MEIS1: variants seen among roughly 807,000 people sequenced by gnomAD.
MEIS1 encodes the protein homeobox protein Meis1.
MEIS1 carries 5 observed loss-of-function variants against 50.8 expected under a neutral mutation model. The ratio of observed to expected loss-of-function variants is 0.10; its 90% CI spans 0.05 to 0.21. The LOEUF (loss-of-function observed/expected upper bound fraction) is 0.21, where lower values mean the gene tolerates loss of function less well. MEIS1 is among the 10% of genes least tolerant of loss of function. The pLI, the probability that MEIS1 is intolerant of heterozygous loss-of-function variation, is 1.00. For missense variants in MEIS1, 318 were observed against 517.3 expected, an observed-to-expected ratio of 0.61 and a Z score of 3.74; for synonymous variants, 176 against 179.3, an observed-to-expected ratio of 0.98 and a Z score of 0.15.
In MEIS1 at chr2:66,560,020, C is replaced by T. The variant is rs559193919; in HGVS notation, c.966-7433C>T. On this transcript the variant is annotated intron_variant, in intron 9 of 12. Coordinates refer to ENST00000272369, the MANE Select transcript of MEIS1 (RefSeq NM_002398.3). ...CCATGTTGCCCATGGTGATCTTATA[C>T]TCCAGGCTCAAATGATCCTCCTGCC... 4.6e-5 allele frequency among the ~76,000 whole-genome samples: 7 copies of T among 151,220 alleles called. No homozygotes were observed. The South Asian group carries it at 6.3e-4, about 14-fold the overall frequency.
Position 66,557,194 on chromosome 2 carries a change from G to T in MEIS1, c.965+9175G>T, listed in dbSNP as rs569948775. On this transcript the variant is annotated intron_variant, in intron 9 of 12. Transcript: ENST00000272369. ...CATCATACGACAGATGAGGCTCAGG[G>T]CTAATTAGAGGCAGGGCTAGGACTG... Among the ~76,000 whole-genome samples, 28 of 152,198 alleles carry T rather than the reference G, an allele frequency of 1.8e-4. 1 individual carries two copies. The South Asian group carries it at 3.3e-3, about 18-fold the overall frequency.
At chr2:66,561,814 C>G (rs576161801) in intron 9 of MEIS1, among the ~76,000 whole-genome samples, 13 of 152,106 alleles carry the variant, frequency 8.5e-5, no homozygotes, top group Non-Finnish European at 7.4e-5. Context: ...AGTTCACTTA[C>G]GCCTAGTTGG....
At chr2:66,473,891 A>T (rs1490709751) in intron 7 of MEIS1, among the ~76,000 whole-genome samples, 1 of 152,184 alleles carries the variant, frequency 6.6e-6, no homozygotes. Context: ...AAATCTTCAG[A>T]TGCTCAATTC....
chr2:66,437,315 A>G (rs1671821003), intron 1 of MEIS1: 1 of 159,670 alleles, frequency 6.3e-6, no homozygotes, highest in Admixed American at 6.4e-5. Context: ...CCCTGATGTG[A>G]AGGGGCTGTG....
At chr2:66,530,755 C>A (rs760084655) in intron 8 of MEIS1, among the ~76,000 whole-genome samples, 4 of 152,296 alleles carry the variant, frequency 2.6e-5, no homozygotes, top group Middle Eastern at 6.8e-3. Flanking sequence ...ATTCATTGAG[C>A]CCCAGTCTGA....
Position 66,473,397 on chromosome 2 carries a change from A to AAAAAAAAAAATATATAT in MEIS1, c.742+9178_742+9179insAAAAAAAAATATATATA. Among the ~76,000 whole-genome samples the AAAAAAAAAAATATATAT allele has an allele frequency of 5.6e-5, 6 of 107,594 alleles. No individual in the cohort carries two copies. In the East Asian group the frequency reaches 7.0e-4, roughly 12 times the overall value. The allele number at this position is 107,594 out of a possible 152,430, so 70.6% of individuals were successfully genotyped here. ...CCATGTCAAAAAAAAAAAAAAAAAA[A>AAAAAAAAAAATATATAT]ATATATATATATATATATATAGTAA... On this transcript the variant is annotated intron_variant, in intron 7 of 12. Transcript: ENST00000272369.
intron 8 of MEIS1, among the ~76,000 whole-genome samples, chr2:66,543,110 T>A (rs1674696036): frequency 6.6e-6 from 1 of 152,218 alleles, no homozygotes; most frequent in African/African-American, 2.4e-5. Flanking sequence ...CATAACTTTC[T>A]TGAGTAAGTC....
chr2:66,530,961 C>T (rs1157700843), intron 8 of MEIS1, among the ~76,000 whole-genome samples: 1 of 152,210 alleles, frequency 6.6e-6, no homozygotes, highest in Non-Finnish European at 1.5e-5. Context: ...ATGCAGCTGT[C>T]TGCTAAGATA....
At chr2:66,438,014 T>C (rs2280334) in intron 2 of MEIS1, 51 bp downstream of exon 2, 945,198 of 1,451,732 alleles carry the variant, frequency 0.65, 312,613 homozygotes, top group South Asian at 0.73. Context: ...CGCTTCCCTC[T>C]TTCTCTGTGC....
intron 12 of MEIS1, chr2:66,571,008 C>T: frequency 2.1e-6 from 1 of 470,136 alleles, no homozygotes; most frequent in South Asian, 2.9e-5. Flanking sequence ...ATAAATAAGA[C>T]CTCAGTAGGC....
intron 8 of MEIS1, among the ~76,000 whole-genome samples, chr2:66,530,452 C>T (rs371414808): frequency 4.6e-5 from 7 of 151,672 alleles, no homozygotes; most frequent in African/African-American, 1.7e-4. Context: ...CGGTGGCTCA[C>T]GCCTGTAATC....
intron 8 of MEIS1, among the ~76,000 whole-genome samples, chr2:66,527,082 A>G (rs763757915): frequency 2.0e-5 from 3 of 152,222 alleles, no homozygotes; most frequent in Non-Finnish European, 4.4e-5. Flanking sequence ...CCAAATATAC[A>G]TGCATGAAAT....
At chr2:66,512,315 A>G (rs1366579284) in intron 8 of MEIS1, 21 bp downstream of exon 8, 6 of 1,602,754 alleles carry the variant, frequency 3.7e-6, no homozygotes, top group South Asian at 1.1e-5. Context: ...TCTAAATGAC[A>G]TATATAAACT....
chr2:66,497,627 G>T (rs1356183351), intron 7 of MEIS1, among the ~76,000 whole-genome samples: 1 of 152,142 alleles, frequency 6.6e-6, no homozygotes, highest in Non-Finnish European at 1.5e-5. Context: ...TGGCATGGTG[G>T]CTCATGCCTG....
At chr2:66,527,641 T>TGTGTGTGTG (rs1674288007) in intron 8 of MEIS1, among the ~76,000 whole-genome samples, 2 of 87,156 alleles carry the variant, frequency 2.3e-5, no homozygotes, top group African/African-American at 8.5e-5. Flanking sequence ...TGTGTGTGTG[T>TGTGTGTGTG]TGGGGGGGAG....
intron 7 of MEIS1, among the ~76,000 whole-genome samples, chr2:66,511,831 AC>A (rs1673837491): frequency 7.3e-6 from 1 of 137,790 alleles, no homozygotes; most frequent in Non-Finnish European, 1.6e-5. Context: ...GGTAGGAGTT[AC>A]ACTTAACCTG....
intron 2 of MEIS1, among the ~76,000 whole-genome samples, chr2:66,438,652 G>A (rs1671863378): frequency 6.6e-6 from 1 of 152,190 alleles, no homozygotes; most frequent in Non-Finnish European, 1.5e-5. Context: ...TTTTCTGGCT[G>A]CGGTTTATAC....
At chr2:66,529,350 G>A (rs983428579) in intron 8 of MEIS1, among the ~76,000 whole-genome samples, 1 of 152,204 alleles carries the variant, frequency 6.6e-6, no homozygotes, top group African/African-American at 2.4e-5. Flanking sequence ...AACTCTGGGA[G>A]CTTTATAAAG....
At chr2:66,517,767 T>TCCAGAC (rs1674005609) in intron 8 of MEIS1, among the ~76,000 whole-genome samples, 4 of 152,210 alleles carry the variant, frequency 2.6e-5, no homozygotes, top group Non-Finnish European at 4.4e-5. Context: ...TTCTGTGATA[T>TCCAGAC]ACATCATATA....
Sources: gnomAD v4.1 joint callset for allele counts (sites outside exome capture counted in the v4.1 genomes callset) on GRCh38, gnomAD v4.1.1 for gene constraint, MANE v1.5 for transcripts, NCBI Gene and HGNC (gene_info 2026-07-23, HGNC 2026-07-21) for gene names.